Variants in C16orf96 observed in about 807,000 individuals in gnomAD.
C16orf96 encodes chromosome 16 open reading frame 96.
Under a neutral mutation model 103.6 loss-of-function variants are expected in C16orf96, and 108 were observed. The observed-to-expected ratio is 1.04, with a 90% CI of 0.89 to 1.22. The LOEUF is 1.22. C16orf96 is among the 50% of genes most tolerant of loss of function. C16orf96 has a pLI of 0.00. For missense variants in C16orf96, 1,586 were observed against 1,464.2 expected, an observed-to-expected ratio of 1.08 and a Z score of -1.36; for synonymous variants, 566 against 593.5, an observed-to-expected ratio of 0.95 and a Z score of 0.67.
chr16:4,571,926 G>A lies in C16orf96; in HGVS notation c.525+261G>A, dbSNP rs889226671. 4.7e-4 allele frequency among the ~76,000 whole-genome samples: 70 copies of A among 149,966 alleles called. 4 individuals are homozygous for A. Among genetic ancestry groups the A allele is most frequent in the South Asian group, 2.1e-4 (1 of 4,708 alleles). Reference sequence around the variant, plus strand: ...GTGCAATGGCATGATCTTGGCTCACGGCAACCTCTGCCTCCCGGGTTCAAG... The same window carrying A: ...GTGCAATGGCATGATCTTGGCTCACAGCAACCTCTGCCTCCCGGGTTCAAG... On this transcript the variant is annotated intron_variant, in intron 2 of 15. Transcript: ENST00000444310.
chr16:4,548,035 G>A, the C16orf96 span, among the ~76,000 whole-genome samples: 1 of 152,114 alleles, frequency 6.6e-6, no homozygotes, highest in East Asian at 1.9e-4. Context: ...AATTATACAT[G>A]GATGGATTGT....
Position 4,575,751 on chromosome 16 carries a change from C to A in C16orf96, c.1271C>A (p.Pro424Gln), listed in dbSNP as rs770408242. ...ACTCAGCCCCAACCCTCCAGGGCCC[C>A]ACCACCAGCCACTGAGTTTGGCTCA... is the stretch of plus-strand genomic sequence containing the variant. Reference protein sequence around the residue: ...RPTQPQPSRAPPPATEFGSLW... With the variant: ...RPTQPQPSRAQPPATEFGSLW... The change falls in exon 5 of 16, where the codon CCA (proline) becomes CAA (glutamine). Residue 424 changes from proline (P) to glutamine (Q), a missense_variant. Physicochemically the swap from Pro to Gln is moderately conservative, Grantham distance 76 (BLOSUM62 -1). Transcript: ENST00000444310. 9.2e-5 allele frequency: 143 copies of A among 1,546,746 alleles called. 1 individual carries two copies. In the African/African-American group the frequency reaches 1.5e-3, roughly 16 times the overall value.
chr16:4,542,765 C>G, the C16orf96 span, among the ~76,000 whole-genome samples: 4 of 152,046 alleles, frequency 2.6e-5, no homozygotes, highest in Non-Finnish European at 5.9e-5. Flanking sequence ...CCATTGCACT[C>G]CAGCCTGGGC....
At position 4,559,664 on chromosome 16, in the gene C16orf96, C is replaced by T. The variant is rs79122481; in HGVS notation, c.420+2755C>T. ...GAATTAATGAAAATTCGGTGGCACA[C>T]GATATATTGACATTGTTGTGCAGCC... On this transcript the variant is annotated intron_variant, in intron 1 of 15. Coordinates refer to ENST00000444310, the MANE Select transcript of C16orf96 (RefSeq NM_001145011.2). Among the ~76,000 whole-genome samples the T allele has an allele frequency of 6.1e-3, 927 of 152,206 alleles. 8 individuals carry two copies. Among genetic ancestry groups the T allele is most frequent in the African/African-American group, 0.02 (812 of 41,542 alleles).
In C16orf96 at chr16:4,594,449, A is replaced by G. The variant is rs1206516564; in HGVS notation, c.2966A>G (p.Lys989Arg). ...GPQNATSLKCKSCNLLTLYPY... is the reference protein window; with the variant it reads ...GPQNATSLKCRSCNLLTLYPY... The stretch of plus-strand genomic sequence containing the variant: ...CAAAACGCCACCAGCCTCAAGTGCA[A>G]GTCCTGCAACCTGTTGACGCTCTAT... The change falls in exon 13 of 16, where the codon AAG becomes AGG. Residue 989 changes from lysine to arginine, a missense_variant. Physicochemically the swap from Lys to Arg is conservative, Grantham distance 26 (BLOSUM62 2). Coordinates refer to ENST00000444310, the MANE Select transcript of C16orf96 (RefSeq NM_001145011.2). 68 of 1,551,424 alleles carry G rather than the reference A, an allele frequency of 4.4e-5. No individual in the cohort carries two copies. Among genetic ancestry groups the G allele is most frequent in the Admixed American group, 2.0e-5 (1 of 50,984 alleles).
At chr16:4,591,161 T>C (rs764368522) in intron 9 of C16orf96, among the ~76,000 whole-genome samples, 90 of 152,240 alleles carry the variant, frequency 5.9e-4, no homozygotes, top group Non-Finnish European at 9.7e-4. Flanking sequence ...CGCTCCAGCC[T>C]GGGCAACAGA....
Position 4,576,040 on chromosome 16 carries a change from G to A in C16orf96, c.1560G>A (p.Lys520=), listed in dbSNP as rs559363631. ...KDRGGKDVDP[K]DRAHKDDVPK... ...GAGGTGGCAAGGATGTGGACCCCAAGGATAGAGCTCACAAGGATGATGTCC... is the reference window on the plus strand; with the variant it reads ...GAGGTGGCAAGGATGTGGACCCCAAAGATAGAGCTCACAAGGATGATGTCC... Residue 520 remains lysine (K), a synonymous_variant, in exon 5 of 16, where the codon AAG becomes AAA. Coordinates refer to ENST00000444310, the MANE Select transcript of C16orf96 (RefSeq NM_001145011.2). 1 of 1,551,190 alleles carries A rather than the reference G, an allele frequency of 6.4e-7. No homozygotes were observed. Among genetic ancestry groups the A allele is most frequent in the African/African-American group, 1.4e-5 (1 of 72,964 alleles).
intron 2 of C16orf96, among the ~76,000 whole-genome samples, chr16:4,572,392 C>A (rs1705774263): frequency 6.8e-6 from 1 of 147,068 alleles, no homozygotes; most frequent in Non-Finnish European, 1.5e-5. Context: ...CTCCACCTCC[C>A]GGGTTCACGC....
intron 5 of C16orf96, among the ~76,000 whole-genome samples, chr16:4,578,044 A>C (rs1304865165): frequency 2.0e-5 from 3 of 152,264 alleles, no homozygotes; most frequent in South Asian, 4.1e-4. Context: ...TAGCAGTTCA[A>C]GACTGCACTG....
At position 4,593,413 on chromosome 16, in the gene C16orf96, C is replaced by T. The variant is rs181819210; in HGVS notation, c.2867+97C>T. On this transcript the variant is annotated intron_variant, in intron 12 of 15. Coordinates refer to ENST00000444310, the MANE Select transcript of C16orf96 (RefSeq NM_001145011.2). The surrounding 1 kb of genome is among the most constrained non-coding windows in gnomAD (Gnocchi z 4.2). Reference sequence around the variant, plus strand: ...CCTGCAGAGACACATCCTCCAGGCCCAGGGACCTAAGATTGTCCTGGACAT... The same window carrying T: ...CCTGCAGAGACACATCCTCCAGGCCTAGGGACCTAAGATTGTCCTGGACAT... 103 of 1,197,094 alleles carry T rather than the reference C, an allele frequency of 8.6e-5. No individual in the cohort carries two copies. In the African/African-American group the frequency reaches 1.3e-3, roughly 15 times the overall value. The allele number at this position is 1,197,094 out of a possible 1,614,324, so 74.2% of individuals were successfully genotyped here.
At chr16:4,580,914 C>G (rs1034590541) in intron 7 of C16orf96, among the ~76,000 whole-genome samples, 1 of 151,106 alleles carries the variant, frequency 6.6e-6, no homozygotes, top group Non-Finnish European at 1.5e-5. Context: ...CATCTGAGAT[C>G]GGGAGTTCGA....
At chr16:4,558,528 C>CT (rs894557404) in intron 1 of C16orf96, among the ~76,000 whole-genome samples, 8 of 152,066 alleles carry the variant, frequency 5.3e-5, no homozygotes, top group African/African-American at 1.9e-4. Context: ...GGGAGAATCA[C>CT]TTAACCCCAG....
At chr16:4,552,814 G>A (rs144575262), upstream of C16orf96, among the ~76,000 whole-genome samples, 1 of 152,256 alleles carries the variant, frequency 6.6e-6, no homozygotes, top group African/African-American at 2.4e-5. Context: ...TCATATGCTT[G>A]CCAATGCTTG....
chr16:4,551,805 C>T (rs2059229697), upstream of C16orf96, among the ~76,000 whole-genome samples: 3 of 152,140 alleles, frequency 2.0e-5, no homozygotes, highest in African/African-American at 7.2e-5. Flanking sequence ...AGGTTTGTTA[C>T]ATAGGTGTCC....
the C16orf96 span, among the ~76,000 whole-genome samples, chr16:4,546,479 T>TTA: frequency 6.8e-6 from 1 of 146,586 alleles, no homozygotes; most frequent in Non-Finnish European, 1.5e-5. Context: ...TTTTTTTTTT[T>TTA]AAGACACAGG....
intron 15 of C16orf96, 34 bp downstream of exon 15, chr16:4,599,398 T>G (rs1897239536): frequency 6.5e-7 from 1 of 1,531,880 alleles, no homozygotes; most frequent in Non-Finnish European, 8.9e-7. Context: ...AGCCCAGCTG[T>G]GATTCTGGAA....
upstream of C16orf96, among the ~76,000 whole-genome samples, chr16:4,552,003 A>C (rs530983714): frequency 7.2e-5 from 11 of 152,166 alleles, no homozygotes; most frequent in African/African-American, 2.2e-4. Flanking sequence ...ATGAGTGAGA[A>C]TATGCGGTGT....
Position 4,575,341 on chromosome 16 carries a change from G to C in C16orf96, c.861G>C (p.Glu287Asp), listed in dbSNP as rs1308024273. The stretch of plus-strand genomic sequence containing the variant: ...CTGTCTGGCATTATGAGGTCCCAGA[G>C]CTCCTCCCGGAGGGCTCATCTGCCC... Reference protein sequence around the residue: ...LQTVWHYEVPELLPEGSSAQA... With the variant: ...LQTVWHYEVPDLLPEGSSAQA... The change falls in exon 5 of 16, where the codon GAG becomes GAC. Residue 287 changes from glutamate to aspartate, a missense_variant. Physicochemically the swap from Glu to Asp is conservative, Grantham distance 45. Transcript: ENST00000444310. 1 of 1,551,258 alleles carries C rather than the reference G, an allele frequency of 6.4e-7. No individual in the cohort carries two copies. The highest frequency in any genetic ancestry group is 2.0e-5 in the Admixed American group (1 of 51,004).
intron 1 of C16orf96, among the ~76,000 whole-genome samples, chr16:4,569,212 C>G (rs1483648194): frequency 6.6e-6 from 1 of 151,886 alleles, no homozygotes; most frequent in African/African-American, 2.4e-5. Flanking sequence ...TTCAGATCCA[C>G]TGGCCTCAGC....
Sources: allele counts gnomAD v4.1 joint callset (sites outside exome capture counted in the v4.1 genomes callset), GRCh38; gene constraint gnomAD v4.1.1; non-coding constraint Gnocchi (gnomAD v3.1); transcripts MANE v1.5; gene names NCBI Gene and HGNC (gene_info 2026-07-23, HGNC 2026-07-21).